FNDC3A: variants seen among roughly 807,000 people sequenced by gnomAD.
FNDC3A encodes fibronectin type-III domain-containing protein 3A.
In FNDC3A, 32 loss-of-function variants were observed where a neutral mutation model predicts 148.9. The observed-to-expected ratio is 0.21, with a 90% confidence interval of 0.16 to 0.29. The LOEUF (loss-of-function observed/expected upper bound fraction) is 0.29. FNDC3A is among the 10% of genes least tolerant of loss of function. The pLI is 1.00. For missense variants in FNDC3A, 1,191 were observed against 1,452.8 expected (o/e 0.82, Z 2.93); for synonymous variants, 472 against 473.6 (o/e 1.00, Z 0.04).
chr13:49,186,285 G>A (rs1185155215), intron 15 of FNDC3A, among the ~76,000 whole-genome samples, 183 bp downstream of exon 15: 1 of 151,992 alleles, frequency 6.6e-6, no homozygotes, highest in East Asian at 1.9e-4. Context: ...TACATGCTAG[G>A]TTAAGATATG....
intron 4 of FNDC3A, among the ~76,000 whole-genome samples, chr13:49,128,539 C>G (rs1238939732): frequency 6.6e-6 from 1 of 152,096 alleles, no homozygotes; most frequent in African/African-American, 2.4e-5. Flanking sequence ...ATAAATGTCT[C>G]CAGACCCTAC....
At chr13:48,987,881 C>A (rs1341731515) in intron 1 of FNDC3A, 1 of 152,166 alleles carries the variant, frequency 6.6e-6, no homozygotes, top group Admixed American at 6.5e-5. Context: ...AACAAAAATA[C>A]ATTATAACTT....
chr13:49,089,553 T>A (rs751167058), intron 3 of FNDC3A, among the ~76,000 whole-genome samples: 1 of 152,328 alleles, frequency 6.6e-6, no homozygotes, highest in East Asian at 1.9e-4. Flanking sequence ...AGAGTTTTCT[T>A]GCTGGCTTTG....
chr13:49,106,854 T>A (rs1880225760), intron 3 of FNDC3A, among the ~76,000 whole-genome samples: 1 of 151,112 alleles, frequency 6.6e-6, no homozygotes, highest in Admixed American at 6.6e-5. Context: ...CAAATTATAG[T>A]TATTTACATA....
At chr13:49,139,468 T>A (rs1321212931) in intron 7 of FNDC3A, among the ~76,000 whole-genome samples, 2 of 152,192 alleles carry the variant, frequency 1.3e-5, no homozygotes, top group Admixed American at 6.5e-5. Flanking sequence ...AAAAATACTT[T>A]GTTTTTCTGA....
At chr13:49,199,084 TA>T (rs1886297808) in intron 23 of FNDC3A, among the ~76,000 whole-genome samples, 1 of 152,076 alleles carries the variant, frequency 6.6e-6, no homozygotes, top group Non-Finnish European at 1.5e-5. Flanking sequence ...CCAGTGGCAC[TA>T]TCTTGGCTCA....
intron 3 of FNDC3A, among the ~76,000 whole-genome samples, chr13:49,075,758 G>GT (rs1350533952): frequency 8.6e-5 from 13 of 151,260 alleles, no homozygotes; most frequent in Admixed American, 8.6e-4. Flanking sequence ...CTTGTACTAT[G>GT]TGTTCTGTTT....
chr13:49,176,475 C>T (rs558990881), intron 13 of FNDC3A, among the ~76,000 whole-genome samples: 1 of 152,110 alleles, frequency 6.6e-6, no homozygotes, highest in African/African-American at 2.4e-5. Context: ...CACAGCAGTG[C>T]CTGTTGGAGG....
intron 2 of FNDC3A, among the ~76,000 whole-genome samples, chr13:49,031,894 A>G (rs2137665718): frequency 6.6e-6 from 1 of 152,306 alleles, no homozygotes; most frequent in South Asian, 2.1e-4. Context: ...ATATCTGCAA[A>G]CTGTATCTGA....
chr13:49,025,073 CG>C (rs1488692719), intron 2 of FNDC3A, among the ~76,000 whole-genome samples: 2 of 151,924 alleles, frequency 1.3e-5, no homozygotes, highest in Non-Finnish European at 2.9e-5. Flanking sequence ...TAGGACAAAC[CG>C]TAAATCATTA....
At chr13:49,023,808 C>T (rs890699913) in intron 2 of FNDC3A, among the ~76,000 whole-genome samples, 2 of 151,862 alleles carry the variant, frequency 1.3e-5, no homozygotes, top group African/African-American at 4.8e-5. Context: ...TTGCAAGTGT[C>T]CTTACATTAG....
intron 14 of FNDC3A, among the ~76,000 whole-genome samples, chr13:49,184,240 G>A (rs942363340): frequency 1.3e-5 from 2 of 152,192 alleles, no homozygotes; most frequent in African/African-American, 4.8e-5. Context: ...GCATGGTGTG[G>A]AATTTAGATT....
chr13:49,050,344 T>C (rs1875746142), intron 2 of FNDC3A, among the ~76,000 whole-genome samples: 1 of 152,244 alleles, frequency 6.6e-6, no homozygotes, highest in South Asian at 2.1e-4. Flanking sequence ...GTTGTGTCAC[T>C]ATTATCATTC....
intron 2 of FNDC3A, among the ~76,000 whole-genome samples, chr13:49,056,508 A>C (rs1425510300): frequency 6.6e-6 from 1 of 152,122 alleles, no homozygotes; most frequent in Non-Finnish European, 1.5e-5. Flanking sequence ...ACTGCAGAAA[A>C]ATTCTTGGCT....
At chr13:49,078,414 T>G (rs1025062414) in intron 3 of FNDC3A, among the ~76,000 whole-genome samples, 7 of 152,230 alleles carry the variant, frequency 4.6e-5, no homozygotes, top group Non-Finnish European at 8.8e-5. Context: ...CACATTTCTC[T>G]GCTTCAGTGG....
At chr13:49,051,335 T>G (rs1243482202) in intron 2 of FNDC3A, among the ~76,000 whole-genome samples, 1 of 152,212 alleles carries the variant, frequency 6.6e-6, no homozygotes, top group East Asian at 1.9e-4. Context: ...GATTTAGAGC[T>G]CCTTTTAGCA....
chr13:48,992,420 T>C (rs1444512498), intron 1 of FNDC3A, among the ~76,000 whole-genome samples: 2 of 152,198 alleles, frequency 1.3e-5, no homozygotes, highest in African/African-American at 4.8e-5. Flanking sequence ...ATCTAGAATA[T>C]ATAAAGCACT....
chr13:49,058,288 A>T (rs897143061), intron 2 of FNDC3A, among the ~76,000 whole-genome samples: 1 of 152,158 alleles, frequency 6.6e-6, no homozygotes, highest in Non-Finnish European at 1.5e-5. Flanking sequence ...ACCAGTAATT[A>T]GAAAGGAACA....
chr13:49,169,279 A>G (rs1167244794), intron 10 of FNDC3A, among the ~76,000 whole-genome samples: 1 of 152,256 alleles, frequency 6.6e-6, no homozygotes, highest in Non-Finnish European at 1.5e-5. Context: ...GTCACTGATT[A>G]TATAATTTTC....
Sources: gnomAD v4.1 joint callset for allele counts (sites outside exome capture counted in the v4.1 genomes callset) on GRCh38, gnomAD v4.1.1 for gene constraint, MANE v1.5 for transcripts, NCBI Gene and HGNC (gene_info 2026-07-23, HGNC 2026-07-21) for gene names.